Variants in HSD17B2 observed in about 807,000 individuals in gnomAD.
HSD17B2 encodes hydroxysteroid 17-beta dehydrogenase 2, also known as 17-beta-hydroxysteroid dehydrogenase type 2.
HSD17B2 carries 32 observed loss-of-function variants against 26.9 expected under a neutral mutation model. That is an observed-to-expected ratio of 1.19 (90% CI 0.90 to 1.60). The LOEUF (loss-of-function observed/expected upper bound fraction) is 1.60, where lower values mean the gene tolerates loss of function less well. Ranked by LOEUF, HSD17B2 falls within the 40% of genes most tolerant of loss-of-function variation. The pLI, the probability that HSD17B2 is intolerant of heterozygous loss-of-function variation, is 0.00. For synonymous variants in HSD17B2, 246 were observed against 186.7 expected, an observed-to-expected ratio of 1.32 and a Z score of -2.59; for missense variants, 613 against 468.6, an observed-to-expected ratio of 1.31 and a Z score of -2.85.
chr16:82,040,822 A>T (rs565747620), intron 1 of HSD17B2, among the ~76,000 whole-genome samples: 2 of 152,314 alleles, frequency 1.3e-5, no homozygotes, highest in African/African-American at 4.8e-5. Flanking sequence ...GTTCAAGTGA[A>T]GTGTCACTGG....
chr16:82,081,245 C>T (rs74849904), intron 3 of HSD17B2, among the ~76,000 whole-genome samples: 99 of 151,980 alleles, frequency 6.5e-4, no homozygotes, highest in African/African-American at 2.2e-3. Flanking sequence ...TTCCCTCCCT[C>T]TCTGAAACTC....
chr16:82,079,953 A>G (rs770920044), intron 3 of HSD17B2, among the ~76,000 whole-genome samples: 9 of 152,168 alleles, frequency 5.9e-5, no homozygotes, highest in Non-Finnish European at 8.8e-5. Context: ...GAGGGAGAGA[A>G]GCAGTCAGTC....
At chr16:82,090,200 C>T (rs556467437) in intron 3 of HSD17B2, 1 of 981,026 alleles carries the variant, frequency 1.0e-6, no homozygotes, top group Admixed American at 6.2e-5. Flanking sequence ...CCCTCCTCCC[C>T]ACAAAAAGAT....
intron 1 of HSD17B2, among the ~76,000 whole-genome samples, chr16:82,050,776 A>T (rs552432287): frequency 6.6e-6 from 1 of 152,326 alleles, no homozygotes; most frequent in South Asian, 2.1e-4. Context: ...AGTCTAAGAC[A>T]TGACAATTAA....
At chr16:82,055,626 C>T (rs1490627599) in intron 1 of HSD17B2, among the ~76,000 whole-genome samples, 2 of 152,120 alleles carry the variant, frequency 1.3e-5, no homozygotes, top group African/African-American at 4.8e-5. Flanking sequence ...TAGAAAACTC[C>T]CCCACAGTGG....
intron 1 of HSD17B2, among the ~76,000 whole-genome samples, chr16:82,060,751 G>T (rs138180394): frequency 5.3e-5 from 8 of 152,286 alleles, no homozygotes; most frequent in African/African-American, 1.9e-4. Flanking sequence ...ACCTTAAGCT[G>T]CTGGTAGTTG....
intron 3 of HSD17B2, among the ~76,000 whole-genome samples, chr16:82,081,608 T>A (rs1235611583): frequency 6.6e-6 from 1 of 152,216 alleles, no homozygotes; most frequent in Non-Finnish European, 1.5e-5. Context: ...AGAGGAAATA[T>A]GACCACATAG....
At chr16:82,051,815 C>G (rs1914116151) in intron 1 of HSD17B2, among the ~76,000 whole-genome samples, 1 of 152,224 alleles carries the variant, frequency 6.6e-6, no homozygotes, top group African/African-American at 2.4e-5. Flanking sequence ...GCTGTGTGAC[C>G]TGGGTCAGAT....
At chr16:82,040,986 C>T (rs138502748) in intron 1 of HSD17B2, among the ~76,000 whole-genome samples, 280 of 152,162 alleles carry the variant, frequency 1.8e-3, no homozygotes, top group African/African-American at 6.5e-3. Flanking sequence ...AATGTCCCCA[C>T]TTATCATGCG....
chr16:82,096,097 T>C (rs1180754678), intron 4 of HSD17B2: 1 of 152,198 alleles, frequency 6.6e-6, no homozygotes, highest in South Asian at 2.1e-4. Flanking sequence ...TATTTATACT[T>C]AATTGCATGT....
Position 82,068,341 on chromosome 16 carries a change from A to C in HSD17B2, c.437A>C (p.Lys146Thr). The C allele has an allele frequency of 6.2e-7, 1 of 1,613,784 alleles. No homozygotes were observed. Among genetic ancestry groups the C allele is most frequent in the Non-Finnish European group, 8.5e-7 (1 of 1,179,972 alleles). ...QMDITKPVQI[K>T]DAYSKVAAML... ...GACATCACGAAGCCAGTGCAGATAA[A>C]AGATGCTTACAGCAAGGTTGCAGCA... The change falls in exon 2 of 5, where the codon AAA becomes ACA. Residue 146 changes from lysine (K) to threonine (T), a missense_variant. Lys to Thr is a moderately conservative substitution (Grantham distance 78). Coordinates refer to ENST00000199936, the MANE Select transcript of HSD17B2 (RefSeq NM_002153.3).
chr16:82,063,075 G>GC (rs1322562834), intron 1 of HSD17B2: 15 of 152,342 alleles, frequency 9.8e-5, no homozygotes, highest in African/African-American at 3.6e-4. Flanking sequence ...CTAGGAGGGG[G>GC]TGTTATGATA....
intron 3 of HSD17B2, 47 bp from the exon 4 acceptor site, chr16:82,090,855 A>T: frequency 6.5e-7 from 1 of 1,537,686 alleles, no homozygotes. Context: ...TGGATGAACA[A>T]ATGAACATTT....
chr16:82,078,050 A>G (rs900321563), intron 3 of HSD17B2, among the ~76,000 whole-genome samples: 4 of 152,210 alleles, frequency 2.6e-5, no homozygotes. Flanking sequence ...CAAGTTAAAA[A>G]GCTTCTGCAC....
At chr16:82,097,388 T>A (rs1321987504) in intron 4 of HSD17B2, 1 of 93,966 alleles carries the variant, frequency 1.1e-5, no homozygotes, top group Admixed American at 1.1e-4. Flanking sequence ...GACACATATA[T>A]ATATATATTT....
At chr16:82,078,851 A>G (rs2143998251) in intron 3 of HSD17B2, among the ~76,000 whole-genome samples, 1 of 152,320 alleles carries the variant, frequency 6.6e-6, no homozygotes, top group African/African-American at 2.4e-5. Context: ...ATAGAGTAGA[A>G]GGATGGTTAC....
chr16:82,097,433 T>A (rs1290080337), intron 4 of HSD17B2: 1 of 151,730 alleles, frequency 6.6e-6, no homozygotes. Flanking sequence ...CCCAGGCTGA[T>A]CTTGAACTCC....
At chr16:82,054,920 C>A (rs1914220194) in intron 1 of HSD17B2, among the ~76,000 whole-genome samples, 1 of 152,224 alleles carries the variant, frequency 6.6e-6, no homozygotes, top group Non-Finnish European at 1.5e-5. Flanking sequence ...TGGTCTTCCC[C>A]ATGGCTGAAA....
At chr16:82,069,425 T>C (rs1046603154) in intron 2 of HSD17B2, among the ~76,000 whole-genome samples, 1 of 152,246 alleles carries the variant, frequency 6.6e-6, no homozygotes, top group Non-Finnish European at 1.5e-5. Context: ...TTTGGATGTA[T>C]ACCCGGTAAT....
Sources: gnomAD v4.1 joint callset for allele counts (sites outside exome capture counted in the v4.1 genomes callset) on GRCh38, gnomAD v4.1.1 for gene constraint, MANE v1.5 for transcripts, NCBI Gene and HGNC (gene_info 2026-07-23, HGNC 2026-07-21) for gene names.